KYNU: variants seen among roughly 807,000 people sequenced by gnomAD.
The protein encoded by KYNU is kynureninase.
A neutral mutation model predicts 59.2 loss-of-function variants in KYNU; 54 were observed. That is an observed-to-expected ratio of 0.91 (90% confidence interval 0.73 to 1.14). KYNU has a LOEUF of 1.14. Ranked by LOEUF, KYNU falls within the 50% of genes most tolerant of loss-of-function variation. The pLI, the probability that KYNU is intolerant of heterozygous loss-of-function variation, is 0.00. For missense variants in KYNU, 567 were observed against 554.4 expected (o/e 1.02, Z -0.23); for synonymous variants, 177 against 192.0 (o/e 0.92, Z 0.65).
At chr2:142,939,891 G>C (rs73963797) in intron 4 of KYNU, among the ~76,000 whole-genome samples, 3,087 of 152,248 alleles carry the variant, frequency 0.02, 101 homozygotes, top group African/African-American at 0.07. Context: ...AGAAGCCCCA[G>C]GGCTAATCTG....
At chr2:142,904,816 C>T (rs190055733) in intron 2 of KYNU, among the ~76,000 whole-genome samples, 207 of 152,274 alleles carry the variant, frequency 1.4e-3, no homozygotes, top group Middle Eastern at 6.8e-3. Context: ...CTCTGCTTAT[C>T]GGATTAGTTG....
At chr2:142,974,043 A>T (rs1201805369) in intron 8 of KYNU, among the ~76,000 whole-genome samples, 2 of 152,344 alleles carry the variant, frequency 1.3e-5, no homozygotes, top group East Asian at 3.9e-4. Flanking sequence ...AAACTGAATA[A>T]CCTCAAGGAG....
At chr2:142,889,071 G>C (rs983796401) in intron 2 of KYNU, among the ~76,000 whole-genome samples, 4 of 151,656 alleles carry the variant, frequency 2.6e-5, no homozygotes, top group African/African-American at 7.3e-5. Flanking sequence ...CGTGGTCCAC[G>C]TTTATGCTGA....
chr2:143,053,504 A>C lies in KYNU; in HGVS notation c.*11332A>C, dbSNP rs1263206534. The C allele has an allele frequency of 6.6e-6, 1 of 152,218 alleles. No individual in the cohort carries two copies. Among genetic ancestry groups the C allele is most frequent in the Non-Finnish European group, 1.5e-5 (1 of 68,044 alleles). 9.4% of individuals were successfully genotyped at this position (152,218 alleles called of 1,614,324 possible). ...TATGGTTTGACTTTGTCCGCAGTCA[A>C]ATCTCATCTTGAATTTCTATGTGTT... On this transcript the variant is annotated 3_prime_UTR_variant, in exon 14 of 14. Coordinates refer to ENST00000264170, the MANE Select transcript of KYNU (RefSeq NM_003937.3).
At chr2:142,935,933 C>T (rs538290236) in intron 4 of KYNU, among the ~76,000 whole-genome samples, 1 of 152,170 alleles carries the variant, frequency 6.6e-6, no homozygotes, top group South Asian at 2.1e-4. Context: ...CTAGAATTGT[C>T]CTGATGGGAC....
At chr2:142,914,398 T>C (rs1682605090) in intron 2 of KYNU, among the ~76,000 whole-genome samples, 2 of 152,224 alleles carry the variant, frequency 1.3e-5, no homozygotes, top group Non-Finnish European at 2.9e-5. Flanking sequence ...CTTTGTTTTC[T>C]CTCCATGAGA....
chr2:142,911,152 G>A (rs1223857931), intron 2 of KYNU, among the ~76,000 whole-genome samples: 1 of 152,154 alleles, frequency 6.6e-6, no homozygotes, highest in Non-Finnish European at 1.5e-5. Flanking sequence ...ATTGCTTTGA[G>A]CAATATGGTG....
At chr2:142,944,217 G>A (rs1683699660) in intron 4 of KYNU, among the ~76,000 whole-genome samples, 2 of 152,134 alleles carry the variant, frequency 1.3e-5, no homozygotes, top group Non-Finnish European at 2.9e-5. Context: ...ATTAGAGTAG[G>A]TACCTTATTG....
chr2:143,023,199 A>G (rs939676026), intron 10 of KYNU, among the ~76,000 whole-genome samples: 5 of 151,918 alleles, frequency 3.3e-5, no homozygotes, highest in African/African-American at 1.2e-4. Flanking sequence ...AAATTTTACC[A>G]ATTCAGTATG....
At chr2:142,930,128 G>C (rs1206117581) in intron 4 of KYNU, among the ~76,000 whole-genome samples, 2 of 152,102 alleles carry the variant, frequency 1.3e-5, no homozygotes, top group Non-Finnish European at 2.9e-5. Context: ...AAGTAAGCTT[G>C]TCATATAGGA....
At chr2:142,914,883 T>C (rs887627313) in intron 2 of KYNU, among the ~76,000 whole-genome samples, 1 of 152,186 alleles carries the variant, frequency 6.6e-6, no homozygotes, top group African/African-American at 2.4e-5. Context: ...GAAATCACCA[T>C]GTTTGGTGGA....
intron 4 of KYNU, among the ~76,000 whole-genome samples, chr2:142,928,455 A>G (rs552931095): frequency 6.6e-6 from 1 of 152,334 alleles, no homozygotes; most frequent in South Asian, 2.1e-4. Context: ...AAGTTTTCAA[A>G]TCCTTTTTGA....
intron 10 of KYNU, among the ~76,000 whole-genome samples, chr2:142,986,976 T>A (rs1319338830): frequency 6.6e-6 from 1 of 151,796 alleles, no homozygotes; most frequent in Admixed American, 6.6e-5. Context: ...TGTGTCTAAA[T>A]TTTTTTCAAG....
chr2:142,984,089 C>T (rs1685128023), intron 8 of KYNU, among the ~76,000 whole-genome samples: 1 of 152,014 alleles, frequency 6.6e-6, no homozygotes, highest in African/African-American at 2.4e-5. Context: ...GAAGCTGAAT[C>T]ACTGAACTTT....
At chr2:142,918,347 C>G (rs463427) in intron 2 of KYNU, among the ~76,000 whole-genome samples, 85,099 of 151,894 alleles carry the variant, frequency 0.56, 24,851 homozygotes, top group African/African-American at 0.71. Context: ...ATTGGAAGTA[C>G]TTGCTAATTT....
chr2:142,880,065 T>C (rs1306007764), intron 1 of KYNU, among the ~76,000 whole-genome samples: 1 of 152,214 alleles, frequency 6.6e-6, no homozygotes, highest in Non-Finnish European at 1.5e-5. Context: ...TAGTAATATG[T>C]CATTATGTCA....
intron 6 of KYNU, among the ~76,000 whole-genome samples, chr2:142,957,341 A>G (rs146478918): frequency 0.012 from 1,774 of 152,080 alleles, 24 homozygotes; most frequent in Non-Finnish European, 0.018. Flanking sequence ...CATTTTGCTT[A>G]TTTTGCAAAT....
chr2:142,928,477 C>T (rs1321787071), intron 4 of KYNU, among the ~76,000 whole-genome samples: 1 of 152,058 alleles, frequency 6.6e-6, no homozygotes, highest in African/African-American at 2.4e-5. Context: ...AGCTTATTCT[C>T]TTATAAGCAA....
At chr2:142,911,596 G>A (rs1274932654) in intron 2 of KYNU, among the ~76,000 whole-genome samples, 1 of 152,042 alleles carries the variant, frequency 6.6e-6, no homozygotes, top group African/African-American at 2.4e-5. Context: ...ATATTGAGTA[G>A]GAGTGGGAGA....
Sources: gnomAD v4.1 joint callset for allele counts (sites outside exome capture counted in the v4.1 genomes callset) on GRCh38, gnomAD v4.1.1 for gene constraint, MANE v1.5 for transcripts, NCBI Gene and HGNC (gene_info 2026-07-23, HGNC 2026-07-21) for gene names.